The following RBFOX1 variants were observed in gnomAD, a reference collection of about 807,000 sequenced individuals.
RBFOX1 encodes RNA binding protein fox-1 homolog 1.
A neutral mutation model predicts 57.7 loss-of-function variants in RBFOX1; 8 were observed. That is an observed-to-expected ratio of 0.14 (90% CI 0.08 to 0.25). RBFOX1 has a LOEUF of 0.25. Among genes scored for constraint, RBFOX1 ranks in the 10% least tolerant of loss-of-function variants. RBFOX1 has a pLI of 1.00. For missense variants in RBFOX1, 611 were observed against 548.5 expected, an observed-to-expected ratio of 1.11 and a Z score of -1.14; for synonymous variants, 326 against 222.4, an observed-to-expected ratio of 1.47 and a Z score of -4.15.
intron 3 of RBFOX1, among the ~76,000 whole-genome samples, chr16:5,816,386 C>CAA (rs1384919833): frequency 3.9e-5 from 6 of 152,300 alleles, no homozygotes; most frequent in African/African-American, 1.4e-4. Flanking sequence ...ACAGAAGTGA[C>CAA]AAAACCGTCT....
intron 11 of RBFOX1, among the ~76,000 whole-genome samples, chr16:7,648,727 G>A: frequency 6.6e-6 from 1 of 152,154 alleles, no homozygotes; most frequent in Admixed American, 6.5e-5. Context: ...CCTTTAATAG[G>A]TGTTACCTGT....
rs149034300 is a variant in RBFOX1 at position 6,173,784 on chromosome 16, A to G, written c.-126-143211A>G. Among the ~76,000 whole-genome samples, 428 of 151,162 alleles carry G rather than the reference A, an allele frequency of 2.8e-3. 3 individuals are homozygous for G. The highest frequency in any genetic ancestry group is 9.8e-3 in the African/African-American group (403 of 41,194). On this transcript the variant is annotated intron_variant, in intron 1 of 15. Transcript: ENST00000550418. ...GGCACCATGCCCAGCTAATTTTTATATTTTCAGTAGAGATGGGTTTTTGCC... is the reference window on the plus strand; with the variant it reads ...GGCACCATGCCCAGCTAATTTTTATGTTTTCAGTAGAGATGGGTTTTTGCC...
chr16:5,805,686 C>CT (rs2055202447), intron 3 of RBFOX1, among the ~76,000 whole-genome samples: 1 of 152,164 alleles, frequency 6.6e-6, no homozygotes, highest in East Asian at 1.9e-4. Context: ...ATTAGCAGAA[C>CT]TCAGAGGGCT....
At chr16:6,943,086 C>G (rs150840666) in intron 3 of RBFOX1, among the ~76,000 whole-genome samples, 1,573 of 152,260 alleles carry the variant, frequency 0.01, 30 homozygotes, top group African/African-American at 0.035. Context: ...GGATTCAGAG[C>G]AGGTCCCCAG....
At chr16:6,263,302 A>G (rs2097712844) in intron 1 of RBFOX1, among the ~76,000 whole-genome samples, 1 of 152,140 alleles carries the variant, frequency 6.6e-6, no homozygotes, top group African/African-American at 2.4e-5. Flanking sequence ...ATAGAATTGA[A>G]TTTGAGCATT....
At chr16:7,395,821 C>T (rs918556496) in intron 4 of RBFOX1, among the ~76,000 whole-genome samples, 13 of 152,092 alleles carry the variant, frequency 8.5e-5, no homozygotes, top group African/African-American at 1.4e-4. Flanking sequence ...TTGTTTCCTG[C>T]GGGTGAAATT....
Position 7,067,300 on chromosome 16 carries a change from A to T in RBFOX1, c.27+15202A>T, listed in dbSNP as rs555286192. Among the ~76,000 whole-genome samples, 4 of 84,222 alleles carry T rather than the reference A, an allele frequency of 4.7e-5. No homozygotes were observed. In the East Asian group the frequency reaches 1.6e-3, roughly 33 times the overall value. The allele number at this position is 84,222 out of a possible 152,430, so 55.3% of individuals were successfully genotyped here. A position where few individuals can be genotyped will look rare whatever the true frequency, so the allele number is the denominator to read the frequency against. On this transcript the variant is annotated intron_variant, in intron 4 of 15. Coordinates refer to ENST00000550418, the MANE Select transcript of RBFOX1 (RefSeq NM_018723.4). ...TTAGTTTTTTATTGTGGCCCTAACA[A>T]ATTACCACAAAAAAAATAGTGGTTT...
chr16:6,958,683 G>C (rs528780725), intron 3 of RBFOX1, among the ~76,000 whole-genome samples: 3 of 152,108 alleles, frequency 2.0e-5, no homozygotes, highest in African/African-American at 7.2e-5. Flanking sequence ...TTTCTAATTG[G>C]GGTCACATGC....
At chr16:7,239,848 C>T (rs1034753839) in intron 4 of RBFOX1, among the ~76,000 whole-genome samples, 3 of 151,998 alleles carry the variant, frequency 2.0e-5, no homozygotes, top group African/African-American at 7.3e-5. Context: ...CTACTTGAAA[C>T]TACTACTTGA....
intron 4 of RBFOX1, among the ~76,000 whole-genome samples, chr16:7,229,471 G>A (rs1474293731): frequency 1.3e-5 from 2 of 151,280 alleles, no homozygotes; most frequent in South Asian, 2.1e-4. Context: ...GTCATTATAT[G>A]AGAATATGAG....
Position 7,515,835 on chromosome 16 carries a change from CGTTGTT to C in RBFOX1, c.28-2289_28-2284del, listed in dbSNP as rs139201687. Among the ~76,000 whole-genome samples, 638 of 151,338 alleles carry C rather than the reference CGTTGTT, an allele frequency of 4.2e-3. 8 individuals are homozygous for C. Among genetic ancestry groups the C allele is most frequent in the Middle Eastern group, 6.8e-3 (2 of 292 alleles). ...GGGAGGTCCCCTTCAAGTGGCAGTT[CGTTGTT>C]GTTGTTGTTGTTGTTGTTGTTGAGA... On this transcript the variant is annotated intron_variant, in intron 4 of 15. Coordinates refer to ENST00000550418, the MANE Select transcript of RBFOX1 (RefSeq NM_018723.4).
At chr16:6,489,986 C>G (rs780741233) in intron 2 of RBFOX1, among the ~76,000 whole-genome samples, 1 of 152,194 alleles carries the variant, frequency 6.6e-6, no homozygotes, top group Non-Finnish European at 1.5e-5. Context: ...TCTTTGCTTT[C>G]TGATGCTCTT....
intron 2 of RBFOX1, among the ~76,000 whole-genome samples, chr16:6,337,210 T>A (rs1028750021): frequency 6.6e-6 from 1 of 152,190 alleles, no homozygotes; most frequent in Non-Finnish European, 1.5e-5. Context: ...TTTCTCTCAT[T>A]TCCCCCAAAA....
chr16:6,926,743 A>C (rs1449241747), intron 3 of RBFOX1, among the ~76,000 whole-genome samples: 2 of 152,198 alleles, frequency 1.3e-5, no homozygotes, highest in African/African-American at 4.8e-5. Context: ...AAGAGAGCAC[A>C]CTTCTTGGAG....
At chr16:6,415,616 G>T (rs1251555168) in intron 2 of RBFOX1, among the ~76,000 whole-genome samples, 5 of 152,220 alleles carry the variant, frequency 3.3e-5, no homozygotes, top group Admixed American at 1.3e-4. Flanking sequence ...CAGAAGAATC[G>T]CTTGAATCCG....
chr16:6,380,638 C>G (rs1257832521), intron 2 of RBFOX1, among the ~76,000 whole-genome samples: 1 of 151,726 alleles, frequency 6.6e-6, no homozygotes, highest in Non-Finnish European at 1.5e-5. Flanking sequence ...GTTTTTTCTT[C>G]TTTTCCTCTG....
intron 3 of RBFOX1, among the ~76,000 whole-genome samples, chr16:6,892,668 G>A (rs138713721): frequency 5.5e-5 from 8 of 144,590 alleles, no homozygotes; most frequent in African/African-American, 1.5e-4. Context: ...GGGCTGTCTC[G>A]AAACAAACAA....
chr16:5,374,357 G>T (rs1021147562), intron 1 of RBFOX1, among the ~76,000 whole-genome samples: 1 of 152,242 alleles, frequency 6.6e-6, no homozygotes, highest in African/African-American at 2.4e-5. Flanking sequence ...TCTCCCTGAG[G>T]AGATCAGGGA....
Position 6,709,252 on chromosome 16 carries a change from C to T in RBFOX1, c.-16+54602C>T, listed in dbSNP as rs546180933. Among the ~76,000 whole-genome samples the T allele has an allele frequency of 3.9e-5, 6 of 152,170 alleles. No individual in the cohort carries two copies. In the East Asian group the frequency reaches 7.7e-4, roughly 20 times the overall value. Reference sequence around the variant, plus strand: ...AATTACTGCTGCAGTTTCACACGAGCGGATGCAATTATTTTAAGCATCTAA... The same window carrying T: ...AATTACTGCTGCAGTTTCACACGAGTGGATGCAATTATTTTAAGCATCTAA... On this transcript the variant is annotated intron_variant, in intron 3 of 15. Coordinates refer to ENST00000550418, the MANE Select transcript of RBFOX1 (RefSeq NM_018723.4).
Sources: allele counts gnomAD v4.1 joint callset (sites outside exome capture counted in the v4.1 genomes callset), GRCh38; gene constraint gnomAD v4.1.1; transcripts MANE v1.5; gene names NCBI Gene and HGNC (gene_info 2026-07-23, HGNC 2026-07-21).